The following EIF4G3 variants were observed in gnomAD, a reference collection of about 807,000 sequenced individuals.
EIF4G3 encodes eukaryotic translation initiation factor 4 gamma 3, also known as eIF-4-gamma 3.
A neutral mutation model predicts 186.4 loss-of-function variants in EIF4G3; 34 were observed. The ratio of observed to expected loss-of-function variants is 0.18; its 90% CI spans 0.14 to 0.24. EIF4G3 has a LOEUF of 0.24. EIF4G3 is among the 10% of genes least tolerant of loss of function. The pLI, the probability that EIF4G3 is intolerant of heterozygous loss-of-function variation, is 1.00. For missense variants in EIF4G3, 1,536 were observed against 1,948.5 expected (o/e 0.79, Z 3.99); for synonymous variants, 673 against 679.5 (o/e 0.99, Z 0.15).
chr1:21,089,765 TAAA>T (rs2096121812), intron 2 of EIF4G3, among the ~76,000 whole-genome samples: 1 of 148,736 alleles, frequency 6.7e-6, no homozygotes, highest in African/African-American at 2.5e-5. Flanking sequence ...AAAAAAAGCC[TAAA>T]TAAATCAGCA....
At chr1:20,851,770 C>T (rs1036431582) in intron 27 of EIF4G3, among the ~76,000 whole-genome samples, 8 of 152,102 alleles carry the variant, frequency 5.3e-5, no homozygotes, top group South Asian at 2.1e-4. Flanking sequence ...GTAATCCCAG[C>T]GCTTTGGGAG....
intron 2 of EIF4G3, among the ~76,000 whole-genome samples, chr1:21,089,678 G>A (rs1192741888): frequency 6.6e-6 from 1 of 151,804 alleles, no homozygotes; most frequent in African/African-American, 2.4e-5. Flanking sequence ...TGTAGTCTCC[G>A]GGAGGCTGAG....
chr1:21,170,566 G>A (rs1160937842), intron 2 of EIF4G3, among the ~76,000 whole-genome samples: 1 of 151,976 alleles, frequency 6.6e-6, no homozygotes, highest in East Asian at 1.9e-4. Flanking sequence ...AGCTACTCAG[G>A]AAGCTAAGGC....
chr1:21,170,444 G>A (rs572255825), intron 2 of EIF4G3, among the ~76,000 whole-genome samples: 1 of 152,160 alleles, frequency 6.6e-6, no homozygotes, highest in Admixed American at 6.5e-5. Context: ...GCTGAGATGG[G>A]TGGATCACTT....
intron 36 of EIF4G3, among the ~76,000 whole-genome samples, chr1:20,809,643 A>T (rs1249532945): frequency 6.6e-6 from 1 of 152,222 alleles, no homozygotes; most frequent in Non-Finnish European, 1.5e-5. Flanking sequence ...CACTACACTT[A>T]GGGTCTTTGT....
At chr1:20,844,957 CAGA>C (rs2070292173) in intron 29 of EIF4G3, among the ~76,000 whole-genome samples, 1 of 152,194 alleles carries the variant, frequency 6.6e-6, no homozygotes, top group South Asian at 2.1e-4. Flanking sequence ...TTTTGCTGTG[CAGA>C]AGCTCTATAG....
chr1:20,895,833 T>C (rs975202351), intron 16 of EIF4G3, among the ~76,000 whole-genome samples: 2 of 152,252 alleles, frequency 1.3e-5, no homozygotes, highest in African/African-American at 4.8e-5. Context: ...TACTGGCTTA[T>C]GTATCTACTG....
In EIF4G3 at chr1:20,972,880, A is replaced by G; in HGVS notation, c.591+122T>C. On this transcript the variant is annotated intron_variant, in intron 11 of 36. Coordinates refer to ENST00000602326, the MANE Select transcript of EIF4G3 (RefSeq NM_001391906.1). ...GGTGAAGTGGTGTGACTATAAGGGA[A>G]GAATAAAAAAAAAAAAGGCACAGTA... 5.3e-6 allele frequency: 4 copies of G among 747,684 alleles called. No individual in the cohort carries two copies. The South Asian group carries it at 8.4e-5, about 16-fold the overall frequency. 46.3% of individuals were successfully genotyped at this position (747,684 alleles called of 1,614,324 possible).
chr1:21,150,036 C>A (rs2097525775), intron 2 of EIF4G3, among the ~76,000 whole-genome samples: 1 of 152,244 alleles, frequency 6.6e-6, no homozygotes, highest in African/African-American at 2.4e-5. Context: ...GCAGAATCTA[C>A]AGTATGGAAA....
chr1:20,869,396 TCTGTCTCCTGAGTAC>T (rs1344809255), intron 20 of EIF4G3, among the ~76,000 whole-genome samples: 172 of 144,030 alleles, frequency 1.2e-3, no homozygotes, highest in African/African-American at 3.9e-3. Context: ...GATCCTCCCA[TCTGTCTCCTGAGTAC>T]CTGTCTCCTG....
chr1:21,085,379 T>C (rs932426403), intron 3 of EIF4G3, among the ~76,000 whole-genome samples: 1 of 152,140 alleles, frequency 6.6e-6, no homozygotes, highest in Non-Finnish European at 1.5e-5. Flanking sequence ...AGAAAGGTTG[T>C]GCCAGAAAAA....
At chr1:20,978,522 A>G (rs111842878) in intron 10 of EIF4G3, among the ~76,000 whole-genome samples, 168 of 152,322 alleles carry the variant, frequency 1.1e-3, no homozygotes, top group African/African-American at 3.9e-3. Context: ...TTAACAATTC[A>G]TAAGATTTAA....
intron 16 of EIF4G3, 146 bp from the exon 17 acceptor site, chr1:20,895,647 G>T (rs2087715584): frequency 2.7e-5 from 23 of 837,608 alleles, no homozygotes; most frequent in Non-Finnish European, 1.4e-5. Context: ...AAGCTGAAAG[G>T]TTCCTATTGC....
At chr1:21,018,063 C>A (rs2089696079) in intron 4 of EIF4G3, among the ~76,000 whole-genome samples, 2 of 151,652 alleles carry the variant, frequency 1.3e-5, no homozygotes, top group Non-Finnish European at 2.9e-5. Context: ...CTCTGCCTCC[C>A]AAGTAGTTGT....
chr1:21,072,548 T>C (rs931005705), intron 3 of EIF4G3, among the ~76,000 whole-genome samples: 9 of 151,944 alleles, frequency 5.9e-5, no homozygotes, highest in Non-Finnish European at 2.9e-5. Context: ...GGACTACAGG[T>C]ACCTGCCACC....
At chr1:21,094,124 T>A (rs11807193) in intron 2 of EIF4G3, among the ~76,000 whole-genome samples, 55,626 of 150,884 alleles carry the variant, frequency 0.37, 10,698 homozygotes, top group Non-Finnish European at 0.41. Flanking sequence ...TTTTTTTTTT[T>A]AAAAAAAGCC....
chr1:21,097,026 T>C (rs1274015877), intron 2 of EIF4G3, among the ~76,000 whole-genome samples: 1 of 152,086 alleles, frequency 6.6e-6, no homozygotes, highest in African/African-American at 2.4e-5. Context: ...CACCGAAAAA[T>C]GATTAAAATG....
chr1:21,064,219 T>C (rs1009964614), intron 3 of EIF4G3, among the ~76,000 whole-genome samples: 2 of 152,028 alleles, frequency 1.3e-5, no homozygotes, highest in African/African-American at 4.8e-5. Context: ...ATGGCGAGGT[T>C]CATGCTATCC....
chr1:21,085,612 G>C (rs931953509), intron 3 of EIF4G3, among the ~76,000 whole-genome samples: 1 of 152,078 alleles, frequency 6.6e-6, no homozygotes, highest in Non-Finnish European at 1.5e-5. Context: ...GCACAGGCTG[G>C]TATCAAACTA....
Sources: gnomAD v4.1 joint callset for allele counts (sites outside exome capture counted in the v4.1 genomes callset) on GRCh38, gnomAD v4.1.1 for gene constraint, MANE v1.5 for transcripts, NCBI Gene and HGNC (gene_info 2026-07-23, HGNC 2026-07-21) for gene names.